Variants in UBE2G1 observed in about 807,000 individuals in gnomAD.
UBE2G1 encodes the protein ubiquitin-conjugating enzyme E2 G1.
A neutral mutation model predicts 22.7 loss-of-function variants in UBE2G1; 5 were observed. The ratio of observed to expected loss-of-function variants is 0.22; its 90% CI spans 0.12 to 0.46. UBE2G1 has a LOEUF of 0.46. Among genes scored for constraint, UBE2G1 ranks in the 20% least tolerant of loss-of-function variants. The pLI, the probability that UBE2G1 is intolerant of heterozygous loss-of-function variation, is 0.99. For missense variants in UBE2G1, 88 were observed against 203.9 expected (o/e 0.43, Z 3.46); for synonymous variants, 74 against 67.5 (o/e 1.10, Z -0.47).
intron 3 of UBE2G1, among the ~76,000 whole-genome samples, chr17:4,293,220 A>G (rs1054613583): frequency 6.6e-6 from 1 of 152,196 alleles, no homozygotes; most frequent in Non-Finnish European, 1.5e-5. Context: ...CATTTCATAT[A>G]AAGGGAATCG....
chr17:4,298,371 T>C (rs1169662379), intron 2 of UBE2G1, among the ~76,000 whole-genome samples: 2 of 152,124 alleles, frequency 1.3e-5, no homozygotes, highest in Admixed American at 6.6e-5. Context: ...TGTATACACA[T>C]AGAAAAATGT....
rs573975280 is a variant in UBE2G1 at position 4,361,308 on chromosome 17, C to T, written c.46+4963G>A. Among the ~76,000 whole-genome samples the T allele has an allele frequency of 3.9e-5, 6 of 151,988 alleles. No homozygotes were observed. The South Asian group carries it at 8.3e-4, about 21-fold the overall frequency. ...TTGGGAGGCCAAGGTGGGCAGATCA[C>T]TTGAGGTCAGGAGTTCAAGACCAGC... On this transcript the variant is annotated intron_variant, in intron 1 of 5. Coordinates refer to ENST00000396981, the MANE Select transcript of UBE2G1 (RefSeq NM_003342.5).
intron 1 of UBE2G1, among the ~76,000 whole-genome samples, chr17:4,362,874 GC>G (rs1172323485): frequency 6.6e-6 from 1 of 152,114 alleles, no homozygotes; most frequent in Non-Finnish European, 1.5e-5. Flanking sequence ...TGTAATTCCA[GC>G]ACTTTGGGAG....
At chr17:4,345,510 C>T (rs1348407533) in intron 1 of UBE2G1, 2 of 152,090 alleles carry the variant, frequency 1.3e-5, no homozygotes, top group Non-Finnish European at 2.9e-5. Context: ...TTCATTGATC[C>T]CTTTAAAACT....
rs771598685 is a variant in UBE2G1, at chr17:4,338,226, AACAG to A, written c.46+28041_46+28044del. Among the ~76,000 whole-genome samples the A allele has an allele frequency of 2.1e-4, 32 of 152,280 alleles. 1 individual carries two copies. Among genetic ancestry groups the A allele is most frequent in the Admixed American group, 1.6e-3 (24 of 15,302 alleles). Reference sequence around the variant, plus strand: ...TATATTTTGATGGGAGGGGAAAAAAAACAGACAAACTATTAGCTGGACTAAAAAA... The same window carrying A: ...TATATTTTGATGGGAGGGGAAAAAAAACAAACTATTAGCTGGACTAAAAAA... On this transcript the variant is annotated intron_variant, in intron 1 of 5. Transcript: ENST00000396981.
intron 5 of UBE2G1, among the ~76,000 whole-genome samples, chr17:4,278,210 G>C (rs561268619): frequency 6.6e-6 from 1 of 152,346 alleles, no homozygotes; most frequent in South Asian, 2.1e-4. Flanking sequence ...TAAGGAAACA[G>C]GTTTCCATGG....
intron 1 of UBE2G1, among the ~76,000 whole-genome samples, chr17:4,327,189 G>C (rs979248801): frequency 2.0e-5 from 3 of 152,156 alleles, no homozygotes; most frequent in Non-Finnish European, 4.4e-5. Flanking sequence ...CCAGCTACTC[G>C]GGAGGCTGAG....
intron 1 of UBE2G1, among the ~76,000 whole-genome samples, chr17:4,309,527 T>C (rs768684352): frequency 6.6e-6 from 1 of 152,256 alleles, no homozygotes; most frequent in Non-Finnish European, 1.5e-5. Flanking sequence ...CACGCATATG[T>C]GTACTGAGCG....
intron 5 of UBE2G1, among the ~76,000 whole-genome samples, chr17:4,280,478 C>T (rs1307003897): frequency 1.4e-5 from 2 of 146,812 alleles, no homozygotes; most frequent in Non-Finnish European, 3.0e-5. Context: ...TCCTGAGTAG[C>T]TGGGACTATA....
intron 1 of UBE2G1, among the ~76,000 whole-genome samples, chr17:4,341,715 C>A (rs1002316906): frequency 1.3e-5 from 2 of 152,168 alleles, no homozygotes; most frequent in Non-Finnish European, 1.5e-5. Flanking sequence ...GCTCTCCTTC[C>A]ATTCTCTCAG....
chr17:4,310,255 G>A (rs538357052), intron 1 of UBE2G1, among the ~76,000 whole-genome samples: 1 of 152,130 alleles, frequency 6.6e-6, no homozygotes, highest in Admixed American at 6.5e-5. Flanking sequence ...TGTACTTTCA[G>A]TCTATCTACA....
chr17:4,366,461 G>C lies in UBE2G1; in HGVS notation c.-145C>G. On this transcript the variant is annotated 5_prime_UTR_variant, in exon 1 of 6. Coordinates refer to ENST00000396981, the MANE Select transcript of UBE2G1 (RefSeq NM_003342.5). Reference sequence around the variant, plus strand: ...CGAGGAAGGCCGGGCTGAGGCGGCGGGAGCGGCGCCTCGCTGCCGGTGCGA... The same window carrying C: ...CGAGGAAGGCCGGGCTGAGGCGGCGCGAGCGGCGCCTCGCTGCCGGTGCGA... 1 of 751,418 alleles carries C rather than the reference G, an allele frequency of 1.3e-6. No individual in the cohort carries two copies. Among genetic ancestry groups the C allele is most frequent in the South Asian group, 3.1e-5 (1 of 32,562 alleles). 46.5% of individuals were successfully genotyped at this position (751,418 alleles called of 1,614,324 possible).
chr17:4,323,667 GCCT>G (rs1227506142), intron 1 of UBE2G1, among the ~76,000 whole-genome samples: 1 of 152,152 alleles, frequency 6.6e-6, no homozygotes, highest in African/African-American at 2.4e-5. Flanking sequence ...ATCCTCCCGA[GCCT>G]CCTGAGTAGC....
intron 1 of UBE2G1, among the ~76,000 whole-genome samples, chr17:4,358,337 CT>C (rs1969930076): frequency 6.6e-6 from 1 of 152,202 alleles, no homozygotes; most frequent in South Asian, 2.1e-4. Context: ...GAAGTCACAG[CT>C]CACTGCCGCC....
intron 1 of UBE2G1, among the ~76,000 whole-genome samples, chr17:4,327,174 T>TA (rs139797601): frequency 0.047 from 7,125 of 152,190 alleles, 600 homozygotes; most frequent in African/African-American, 0.16. Flanking sequence ...TCATGCCTGT[T>TA]AATCCCAGCT....
chr17:4,282,641 G>A (rs1256033632), intron 5 of UBE2G1, among the ~76,000 whole-genome samples, 157 bp downstream of exon 5: 1 of 152,074 alleles, frequency 6.6e-6, no homozygotes, highest in Non-Finnish European at 1.5e-5. Context: ...AAAGCAAGCA[G>A]ATTATACAGT....
At chr17:4,347,465 T>C (rs920803940) in intron 1 of UBE2G1, among the ~76,000 whole-genome samples, 2 of 134,136 alleles carry the variant, frequency 1.5e-5, no homozygotes, top group Non-Finnish European at 3.1e-5. Flanking sequence ...TCACAGTATT[T>C]CTTCTTTTTT....
intron 1 of UBE2G1, among the ~76,000 whole-genome samples, chr17:4,351,995 A>G (rs968875612): frequency 3.3e-5 from 5 of 152,154 alleles, no homozygotes. Context: ...GGCCAGGTGC[A>G]GTGGCTCACG....
intron 2 of UBE2G1, chr17:4,301,503 C>T (rs907477518): frequency 1.7e-5 from 16 of 963,076 alleles, no homozygotes; most frequent in East Asian, 1.2e-4. Context: ...TCAGGATAAA[C>T]GGAACAGGCA....
Sources: allele counts gnomAD v4.1 joint callset (sites outside exome capture counted in the v4.1 genomes callset), GRCh38; gene constraint gnomAD v4.1.1; transcripts MANE v1.5; gene names NCBI Gene and HGNC (gene_info 2026-07-23, HGNC 2026-07-21).